LRBA: variants seen among roughly 807,000 people sequenced by gnomAD.
LRBA encodes lipopolysaccharide-responsive and beige-like anchor protein.
Under a neutral mutation model 330.0 loss-of-function variants are expected in LRBA, and 176 were observed. The observed-to-expected ratio is 0.53, with a 90% CI of 0.47 to 0.60. LRBA has a LOEUF of 0.60. LRBA is among the 20% of genes least tolerant of loss of function. The pLI is 0.00. For synonymous variants in LRBA, 1,230 were observed against 1,193.0 expected (o/e 1.03, Z -0.64); for missense variants, 3,259 against 3,444.8 (o/e 0.95, Z 1.35).
Position 150,683,694 on chromosome 4 carries a change from T to G in LRBA, c.5778A>C (p.Ala1926=), listed in dbSNP as rs1334585207. The G allele has an allele frequency of 6.2e-7, 1 of 1,612,780 alleles. No homozygotes were observed. Among genetic ancestry groups the G allele is most frequent in the East Asian group, 2.2e-5 (1 of 44,852 alleles). Residue 1926 remains alanine, a synonymous_variant, in exon 37 of 57, where the codon GCA becomes GCC. Coordinates refer to ENST00000651943, the MANE Select transcript of LRBA (RefSeq NM_001364905.1). Reference sequence around the variant, plus strand: ...ACATCTTCTCATCTTCTCGTTTGTCTGCAGAATACTGGGCACACAGTGACT... The same window carrying G: ...ACATCTTCTCATCTTCTCGTTTGTCGGCAGAATACTGGGCACACAGTGACT... ...EFESLCAQYS[A]DKREDEKMCD... is the part of the protein sequence containing the mutation.
At chr4:150,398,748 TCCCA>T (rs1745080219) in intron 47 of LRBA, among the ~76,000 whole-genome samples, 1 of 152,070 alleles carries the variant, frequency 6.6e-6, no homozygotes, top group Non-Finnish European at 1.5e-5. Context: ...CACATCAGCC[TCCCA>T]TGTAGATGGA....
At chr4:150,630,249 T>C (rs941379968) in intron 37 of LRBA, among the ~76,000 whole-genome samples, 1 of 152,230 alleles carries the variant, frequency 6.6e-6, no homozygotes, top group African/African-American at 2.4e-5. Context: ...GCAGTGTTTT[T>C]CTTCTTCAAA....
chr4:150,298,304 G>A (rs763929993), intron 53 of LRBA, among the ~76,000 whole-genome samples: 14 of 152,050 alleles, frequency 9.2e-5, no homozygotes, highest in Non-Finnish European at 1.9e-4. Context: ...TTTTCTTACA[G>A]ACTTGATGAG....
At chr4:150,598,370 A>G (rs1234483384) in intron 38 of LRBA, among the ~76,000 whole-genome samples, 1 of 152,164 alleles carries the variant, frequency 6.6e-6, no homozygotes, top group African/African-American at 2.4e-5. Context: ...TACTTATAAG[A>G]CTTTTACCTA....
chr4:150,908,577 GT>G, intron 10 of LRBA, 82 bp downstream of exon 10: 1 of 1,446,604 alleles, frequency 6.9e-7, no homozygotes, highest in Middle Eastern at 1.8e-4. Flanking sequence ...CATTCCATGT[GT>G]TTAACAGAAG....
intron 37 of LRBA, among the ~76,000 whole-genome samples, chr4:150,625,718 T>A (rs1399032714): frequency 1.4e-5 from 2 of 145,178 alleles, no homozygotes; most frequent in Non-Finnish European, 3.0e-5. Context: ...ATTATTATTA[T>A]TTTTTTTTTG....
At chr4:150,680,055 C>A (rs929399014) in intron 37 of LRBA, among the ~76,000 whole-genome samples, 1 of 152,062 alleles carries the variant, frequency 6.6e-6, no homozygotes, top group Non-Finnish European at 1.5e-5. Flanking sequence ...GTCTCCTGAC[C>A]CAAATAAACA....
intron 47 of LRBA, among the ~76,000 whole-genome samples, chr4:150,406,859 C>T (rs1169031734): frequency 6.6e-6 from 1 of 152,156 alleles, no homozygotes; most frequent in East Asian, 1.9e-4. Context: ...CAGCTCACTG[C>T]AACCTCCACC....
intron 40 of LRBA, chr4:150,581,382 TGGGAG>T: frequency 2.3e-6 from 1 of 440,082 alleles, no homozygotes; most frequent in Non-Finnish European, 4.6e-6. Context: ...TTGGCAACAA[TGGGAG>T]GGGAGGGGAA....
chr4:150,292,139 ACAGACTCCGAAC>A (rs1353895132), intron 53 of LRBA, among the ~76,000 whole-genome samples: 1 of 152,216 alleles, frequency 6.6e-6, no homozygotes, highest in Non-Finnish European at 1.5e-5. Context: ...TATTTATCAA[ACAGACTCCGAAC>A]CACTTAAAAT....
chr4:150,584,601 T>G (rs1771866453), intron 40 of LRBA: 1 of 167,082 alleles, frequency 6.0e-6, no homozygotes, highest in South Asian at 2.1e-4. Context: ...TCAGTGCCAA[T>G]GTCAGACTGT....
At chr4:150,958,993 C>T (rs182234369) in intron 2 of LRBA, among the ~76,000 whole-genome samples, 1 of 149,454 alleles carries the variant, frequency 6.7e-6, no homozygotes, top group East Asian at 1.9e-4. Context: ...TCCAAAGTAA[C>T]TTCCACATTT....
intron 36 of LRBA, among the ~76,000 whole-genome samples, chr4:150,715,882 T>C (rs1279976902): frequency 3.3e-5 from 5 of 152,194 alleles, no homozygotes; most frequent in Non-Finnish European, 7.4e-5. Flanking sequence ...AACATGATAA[T>C]ATGAAGGAAA....
At chr4:150,648,157 G>GAAAAAAAAAAAAAAAAAAAAAA (rs1561468268) in intron 37 of LRBA, among the ~76,000 whole-genome samples, 1 of 5,236 alleles carries the variant, frequency 1.9e-4, no homozygotes, top group Non-Finnish European at 2.4e-3. Flanking sequence ...AACACAAGTA[G>GAAAAAAAAAAAAAAAAAAAAAA]CAAAAAAAAA....
intron 22 of LRBA, among the ~76,000 whole-genome samples, chr4:150,858,764 T>C (rs1751528046): frequency 6.6e-6 from 1 of 152,130 alleles, no homozygotes; most frequent in Non-Finnish European, 1.5e-5. Context: ...TGGCCTCAAG[T>C]GATCCACCTG....
At chr4:150,468,488 T>C (rs530377824) in intron 43 of LRBA, among the ~76,000 whole-genome samples, 3 of 151,966 alleles carry the variant, frequency 2.0e-5, no homozygotes, top group African/African-American at 2.4e-5. Flanking sequence ...AAAGAGGAGG[T>C]AGTCCTTCTA....
chr4:150,642,211 G>A (rs961655544), intron 37 of LRBA, among the ~76,000 whole-genome samples: 19 of 151,914 alleles, frequency 1.3e-4, no homozygotes, highest in African/African-American at 4.6e-4. Context: ...TGTAAATTCT[G>A]CATGTATTTC....
chr4:150,599,008 A>G lies in LRBA; in HGVS notation c.6045T>C (p.His2015=), dbSNP rs141641375. Residue 2015 remains histidine (H), a splice_region_variant and synonymous_variant, in exon 38 of 57, where the codon CAT becomes CAC. Coordinates refer to ENST00000651943, the MANE Select transcript of LRBA (RefSeq NM_001364905.1). ...PEATLKTAVE[H]ATDEDILAKG... The stretch of plus-strand genomic sequence containing the variant: ...GCAAGGAATGGTTTATACACTGACC[A>G]TGTTCCACGGCTGTTTTTAGTGTCG... 1.3e-5 allele frequency: 21 copies of G among 1,614,016 alleles called. No homozygotes were observed. The African/African-American group carries it at 2.4e-4, about 18-fold the overall frequency.
chr4:150,296,046 G>A (rs1028336627), intron 53 of LRBA, among the ~76,000 whole-genome samples: 1 of 152,130 alleles, frequency 6.6e-6, no homozygotes, highest in Non-Finnish European at 1.5e-5. Flanking sequence ...ATCTTATTCA[G>A]ATTTGTTGCA....
Sources: allele counts gnomAD v4.1 joint callset (sites outside exome capture counted in the v4.1 genomes callset), GRCh38; gene constraint gnomAD v4.1.1; transcripts MANE v1.5; gene names NCBI Gene and HGNC (gene_info 2026-07-23, HGNC 2026-07-21).